LPIN2: variants seen among roughly 807,000 people sequenced by gnomAD.
LPIN2 encodes the protein lipin 2.
In LPIN2, 55 loss-of-function variants were observed where a neutral mutation model predicts 111.4. The ratio of observed to expected loss-of-function variants is 0.49; its 90% confidence interval spans 0.40 to 0.62. The LOEUF is 0.62. Among genes scored for constraint, LPIN2 ranks in the 20% least tolerant of loss-of-function variants. The pLI is 0.00. For missense variants in LPIN2, 992 were observed against 1,112.1 expected (o/e 0.89, Z 1.54); for synonymous variants, 425 against 414.0 (o/e 1.03, Z -0.32).
At chr18:2,932,783 A>C (rs1218410637) in intron 8 of LPIN2, among the ~76,000 whole-genome samples, 1 of 152,224 alleles carries the variant, frequency 6.6e-6, no homozygotes, top group Admixed American at 6.5e-5. Flanking sequence ...TGCTGCCAGT[A>C]AACTCTGGAC....
At chr18:2,938,566 C>T (rs1460620970) in intron 6 of LPIN2, among the ~76,000 whole-genome samples, 1 of 152,070 alleles carries the variant, frequency 6.6e-6, no homozygotes, top group Non-Finnish European at 1.5e-5. Context: ...TGAAGTTATA[C>T]TGGAGAAGAC....
At chr18:2,982,651 TG>T (rs1202937463) in intron 1 of LPIN2, 2 of 1,202,414 alleles carry the variant, frequency 1.7e-6, no homozygotes, top group South Asian at 2.5e-5. Flanking sequence ...GCAGGGACAT[TG>T]GGAGATGTAA....
rs558205651 is a variant in LPIN2, at chr18:2,938,081, A to G, written c.823-44T>C. On this transcript the variant is annotated intron_variant, in intron 6 of 19. Coordinates refer to ENST00000677752, the MANE Select transcript of LPIN2 (RefSeq NM_001375808.2). ...TTAAAAATTAAACTACTTTCAGAGTATTTGTTATAATCTATTTCCTAAGCT... is the reference window on the plus strand; with the variant it reads ...TTAAAAATTAAACTACTTTCAGAGTGTTTGTTATAATCTATTTCCTAAGCT... 7 of 1,428,354 alleles carry G rather than the reference A, an allele frequency of 4.9e-6. No individual in the cohort carries two copies. The South Asian group carries it at 5.7e-5, about 12-fold the overall frequency. The allele number at this position is 1,428,354 out of a possible 1,614,324, so 88.5% of individuals were successfully genotyped here.
At chr18:2,924,269 G>T in intron 15 of LPIN2, 129 bp downstream of exon 15, 1 of 1,142,774 alleles carries the variant, frequency 8.8e-7, no homozygotes, top group Non-Finnish European at 1.3e-6. Flanking sequence ...ACGCCTCAGA[G>T]CATATGGCTT....
At chr18:2,939,639 G>A (rs556536736) in intron 5 of LPIN2, 36 bp from the exon 6 acceptor site, 5 of 1,608,630 alleles carry the variant, frequency 3.1e-6, no homozygotes, top group South Asian at 2.2e-5. Flanking sequence ...TGACTTGAAA[G>A]TCGGGAAACC....
intron 4 of LPIN2, among the ~76,000 whole-genome samples, chr18:2,942,539 C>G (rs1374446527): frequency 1.3e-5 from 2 of 152,010 alleles, no homozygotes; most frequent in African/African-American, 4.8e-5. Flanking sequence ...AAAAGGTAAG[C>G]CAAGAAGAAT....
At chr18:2,955,752 C>T (rs1409628400) in intron 2 of LPIN2, among the ~76,000 whole-genome samples, 1 of 152,094 alleles carries the variant, frequency 6.6e-6, no homozygotes, top group African/African-American at 2.4e-5. Flanking sequence ...CCCGCCTCTA[C>T]CAAAAATACA....
At chr18:2,996,922 G>A (rs1362863489) in intron 1 of LPIN2, among the ~76,000 whole-genome samples, 1 of 152,268 alleles carries the variant, frequency 6.6e-6, no homozygotes, top group East Asian at 1.9e-4. Context: ...GTAAACTTCT[G>A]CATAAGAGGT....
chr18:2,945,881 T>C (rs1270035544), intron 4 of LPIN2: 2 of 1,447,046 alleles, frequency 1.4e-6, no homozygotes, highest in Non-Finnish European at 9.7e-7. Context: ...TCCCAGCATC[T>C]TTTTTAGTCC....
chr18:2,920,154 AAGG>A lies in LPIN2; in HGVS notation c.*136_*138del. On this transcript the variant is annotated 3_prime_UTR_variant, in exon 20 of 20. Coordinates refer to ENST00000677752, the MANE Select transcript of LPIN2 (RefSeq NM_001375808.2). ...CCTGAGCAGCTGGCCTGGGAAGGCA[AAGG>A]AGGATGGCGGGACCAGCTCCAGAAG... 1 of 1,193,198 alleles carries A rather than the reference AAGG, an allele frequency of 8.4e-7. No individual in the cohort carries two copies. The highest frequency in any genetic ancestry group is 1.2e-6 in the Non-Finnish European group (1 of 824,392). The allele number at this position is 1,193,198 out of a possible 1,614,324, so 73.9% of individuals were successfully genotyped here. A position where few individuals can be genotyped will look rare whatever the true frequency, so the allele number is the denominator to read the frequency against.
At chr18:2,943,429 C>CGTGTGTGT (rs145740705) in intron 4 of LPIN2, among the ~76,000 whole-genome samples, 20 of 142,252 alleles carry the variant, frequency 1.4e-4, no homozygotes, top group African/African-American at 4.8e-4. Flanking sequence ...ATAAAAGCTG[C>CGTGTGTGT]GTGTGTGTGT....
chr18:2,933,764 G>C (rs2077246204), intron 8 of LPIN2, among the ~76,000 whole-genome samples: 2 of 152,110 alleles, frequency 1.3e-5, no homozygotes, highest in South Asian at 4.1e-4. Flanking sequence ...ATGAACTTGG[G>C]AAGGCAGTCC....
At chr18:2,933,425 T>TA (rs776573856) in intron 8 of LPIN2, among the ~76,000 whole-genome samples, 1 of 152,196 alleles carries the variant, frequency 6.6e-6, no homozygotes, top group Non-Finnish European at 1.5e-5. Context: ...TTCCTACTGT[T>TA]AAAATAAAGC....
chr18:2,968,365 G>A (rs2077842807), intron 1 of LPIN2, among the ~76,000 whole-genome samples: 2 of 152,134 alleles, frequency 1.3e-5, no homozygotes, highest in African/African-American at 4.8e-5. Context: ...CCTGTTTCTG[G>A]TACAGTTCAG....
intron 6 of LPIN2, 108 bp downstream of exon 6, chr18:2,939,372 A>C: frequency 7.5e-7 from 1 of 1,337,892 alleles, no homozygotes; most frequent in Non-Finnish European, 1.1e-6. Context: ...ACTATCATTT[A>C]CATTCATGAG....
rs1366138497 is a variant in LPIN2 at position 2,925,303 on chromosome 18, T to A, written c.1859A>T (p.Asp620Val). 1.2e-6 allele frequency: 2 copies of A among 1,614,048 alleles called. No homozygotes were observed. The highest frequency in any genetic ancestry group is 4.5e-5 in the East Asian group (2 of 44,878). The change falls in exon 14 of 20, where the codon GAC becomes GTC. Residue 620 changes from aspartate to valine, a missense_variant. Coordinates refer to ENST00000677752, the MANE Select transcript of LPIN2 (RefSeq NM_001375808.2). This position sits in a 1 kb window ranked among gnomAD's most constrained non-coding sequence, Gnocchi z 4.1. ...SQELEESITV[D>V]PIPTEPLSHG... Reference sequence around the variant, plus strand: ...GCTCAGGGGCTCTGTGGGGATGGGGTCCACTGTGATGGATTCTTCGAGCTC... The same window carrying A: ...GCTCAGGGGCTCTGTGGGGATGGGGACCACTGTGATGGATTCTTCGAGCTC...
intron 1 of LPIN2, among the ~76,000 whole-genome samples, chr18:2,988,538 G>A (rs907471409): frequency 6.6e-6 from 1 of 152,328 alleles, no homozygotes; most frequent in South Asian, 2.1e-4. Context: ...AGCTTTATAT[G>A]TAAGTTATAT....
At chr18:2,949,123 T>C (rs1481597535) in intron 4 of LPIN2, among the ~76,000 whole-genome samples, 1 of 152,192 alleles carries the variant, frequency 6.6e-6, no homozygotes, top group Non-Finnish European at 1.5e-5. Flanking sequence ...GTTTTTAATA[T>C]TCCTGAAGTC....
intron 1 of LPIN2, among the ~76,000 whole-genome samples, chr18:2,989,620 T>TAC (rs61379852): frequency 0.94 from 143,448 of 152,136 alleles, 67,928 homozygotes; most frequent in East Asian, 1. Flanking sequence ...TTTCAAAACT[T>TAC]TCAAAGTTAC....
Sources: gnomAD v4.1 joint callset for allele counts (sites outside exome capture counted in the v4.1 genomes callset) on GRCh38, gnomAD v4.1.1 for gene constraint, Gnocchi (gnomAD v3.1) non-coding constraint, MANE v1.5 for transcripts, NCBI Gene and HGNC (gene_info 2026-07-23, HGNC 2026-07-21) for gene names.